The following UQCC1 variants were observed in gnomAD, a reference collection of about 807,000 sequenced individuals.
UQCC1 encodes the protein bFGF-repressed Zic-binding protein.
UQCC1 carries 38 observed loss-of-function variants against 48.0 expected under a neutral mutation model. The observed-to-expected ratio is 0.79, with a 90% CI of 0.61 to 1.04. UQCC1 has a LOEUF of 1.04. UQCC1 is among the 50% of genes least tolerant of loss of function. The probability of loss-of-function intolerance (pLI) is 0.00; values close to 1 mark genes in which losing one functional copy is unlikely to be tolerated. For missense variants in UQCC1, 368 were observed against 381.8 expected, an observed-to-expected ratio of 0.96 and a Z score of 0.30; for synonymous variants, 111 against 129.2, an observed-to-expected ratio of 0.86 and a Z score of 0.95.
intron 5 of UQCC1, among the ~76,000 whole-genome samples, chr20:35,369,955 T>C (rs2061711105): frequency 6.6e-6 from 1 of 152,170 alleles, no homozygotes; most frequent in Admixed American, 6.5e-5. Context: ...CAGACAACAC[T>C]GTGGAATTCA....
chr20:35,384,106 A>G lies in UQCC1; in HGVS notation c.157T>C (p.Cys53Arg). 6.2e-7 allele frequency: 1 copy of G among 1,613,238 alleles called. No individual in the cohort carries two copies. Among genetic ancestry groups the G allele is most frequent in the Non-Finnish European group, 8.5e-7 (1 of 1,179,248 alleles). The change falls in exon 3 of 10, where the codon TGT becomes CGT. Residue 53 changes from cysteine (C) to arginine (R), a missense_variant. Transcript: ENST00000374385. ...CCAGGAATCTGTTCTGATCCACCAC[A>G]TGCTCGGGACTGGCTCATCTGGGGC... ...QWPQMSQSRA[C>R]GGSEQIPGID...
intron 5 of UQCC1, among the ~76,000 whole-genome samples, chr20:35,371,817 C>A (rs575869462): frequency 6.6e-5 from 10 of 151,462 alleles, no homozygotes; most frequent in Non-Finnish European, 1.3e-4. Context: ...CAAGACCAGC[C>A]TGGGCAACAT....
In UQCC1 at chr20:35,303,789, ACT is replaced by A. The variant is rs1362108625; in HGVS notation, c.*144_*145del. 7.8e-6 allele frequency: 9 copies of A among 1,148,860 alleles called. No homozygotes were observed. The African/African-American group carries it at 1.4e-4, about 18-fold the overall frequency. The allele number at this position is 1,148,860 out of a possible 1,614,324, so 71.2% of individuals were successfully genotyped here. ...AGACTCCTGGGCACACTAAGAGGAA[ACT>A]CAACACAAATGGGGCCAGGTATTTG... On this transcript the variant is annotated 3_prime_UTR_variant, in exon 10 of 10. Transcript: ENST00000374385.
chr20:35,351,225 T>C (rs1157501031), intron 6 of UQCC1, among the ~76,000 whole-genome samples: 1 of 151,940 alleles, frequency 6.6e-6, no homozygotes, highest in Non-Finnish European at 1.5e-5. Flanking sequence ...ACCCTGTTTC[T>C]ACTAAAAATA....
intron 8 of UQCC1, 24 bp from the exon 9 acceptor site, chr20:35,306,803 G>A (rs2060934278): frequency 1.9e-6 from 3 of 1,562,834 alleles, no homozygotes; most frequent in Non-Finnish European, 2.6e-6. Flanking sequence ...CACAGCAGTG[G>A]TCTCCTGAGG....
intron 5 of UQCC1, among the ~76,000 whole-genome samples, chr20:35,368,388 TAAG>T (rs1297740530): frequency 6.6e-6 from 1 of 152,118 alleles, no homozygotes; most frequent in African/African-American, 2.4e-5. Flanking sequence ...AATTGACAGG[TAAG>T]AAAACTGACT....
At chr20:35,356,215 G>C (rs1314673822) in intron 6 of UQCC1, among the ~76,000 whole-genome samples, 1 of 152,066 alleles carries the variant, frequency 6.6e-6, no homozygotes, top group African/African-American at 2.4e-5. Flanking sequence ...CAGACATTAA[G>C]AAAAAATTAC....
intron 1 of UQCC1, among the ~76,000 whole-genome samples, chr20:35,395,210 T>A (rs994799917): frequency 6.6e-6 from 1 of 151,952 alleles, no homozygotes; most frequent in African/African-American, 2.4e-5. Context: ...CCAGCCCCTC[T>A]CCCCTTCCAA....
At chr20:35,341,125 G>A (rs2061372121) in intron 7 of UQCC1, among the ~76,000 whole-genome samples, 2 of 151,560 alleles carry the variant, frequency 1.3e-5, no homozygotes, top group Non-Finnish European at 2.9e-5. Context: ...GGAGGCTGAG[G>A]CAGAAGAATC....
At chr20:35,411,642 C>G (rs2062366372) in intron 1 of UQCC1, among the ~76,000 whole-genome samples, 1 of 152,152 alleles carries the variant, frequency 6.6e-6, no homozygotes, top group Non-Finnish European at 1.5e-5. Flanking sequence ...AATCAGTGTC[C>G]TACATGCTCC....
intron 7 of UQCC1, chr20:35,345,087 T>A (rs543365530): frequency 6.6e-6 from 1 of 152,396 alleles, no homozygotes; most frequent in South Asian, 2.1e-4. Flanking sequence ...CCTTCCCCCA[T>A]CTTGTCCTAT....
At chr20:35,386,870 C>T (rs1018563717) in intron 2 of UQCC1, among the ~76,000 whole-genome samples, 1 of 151,882 alleles carries the variant, frequency 6.6e-6, no homozygotes, top group African/African-American at 2.4e-5. Context: ...CACACCTACA[C>T]ACTTATAAAC....
chr20:35,406,207 T>C (rs1296976491), intron 1 of UQCC1, among the ~76,000 whole-genome samples: 1 of 152,136 alleles, frequency 6.6e-6, no homozygotes, highest in East Asian at 1.9e-4. Context: ...TTTGAAGAAA[T>C]AATGGCAGAA....
At chr20:35,333,544 C>G (rs1478612959) in intron 7 of UQCC1, among the ~76,000 whole-genome samples, 1 of 152,114 alleles carries the variant, frequency 6.6e-6, no homozygotes, top group Non-Finnish European at 1.5e-5. Context: ...AAAGAAAGTT[C>G]TTAATTCTCA....
intron 1 of UQCC1, among the ~76,000 whole-genome samples, chr20:35,395,269 A>AT (rs1276402466): frequency 5.9e-5 from 9 of 152,118 alleles, no homozygotes; most frequent in Non-Finnish European, 1.3e-4. Flanking sequence ...TTCTACACAC[A>AT]TATTTGTTCC....
chr20:35,411,936 T>C lies in UQCC1; in HGVS notation c.24+4A>G. ...CTACCGTAGAAAATTACTCCTTCACTCACAAGGACTCGCACCAGCAACGCC... is the reference window on the plus strand; with the variant it reads ...CTACCGTAGAAAATTACTCCTTCACCCACAAGGACTCGCACCAGCAACGCC... On this transcript the variant is annotated splice_donor_region_variant and intron_variant, in intron 1 of 9. Coordinates refer to ENST00000374385, the MANE Select transcript of UQCC1 (RefSeq NM_018244.5). 6.2e-7 allele frequency: 1 copy of C among 1,614,170 alleles called. No individual in the cohort carries two copies. Among genetic ancestry groups the C allele is most frequent in the Non-Finnish European group, 8.5e-7 (1 of 1,180,024 alleles).
chr20:35,400,136 G>C (rs2062141901), intron 1 of UQCC1, among the ~76,000 whole-genome samples: 1 of 151,888 alleles, frequency 6.6e-6, no homozygotes, highest in African/African-American at 2.4e-5. Context: ...ATGTTGGCCA[G>C]GCTGGTCTCA....
chr20:35,390,981 G>A (rs916090464), intron 2 of UQCC1, among the ~76,000 whole-genome samples: 6 of 152,072 alleles, frequency 3.9e-5, no homozygotes, highest in South Asian at 2.1e-4. Flanking sequence ...GGATCACCTC[G>A]GATCAGGAGT....
At chr20:35,405,125 G>A (rs1454329915) in intron 1 of UQCC1, among the ~76,000 whole-genome samples, 1 of 152,140 alleles carries the variant, frequency 6.6e-6, no homozygotes, top group East Asian at 1.9e-4. Flanking sequence ...CTGGCAGAGT[G>A]TTATAGGTAC....
Sources: allele counts gnomAD v4.1 joint callset (sites outside exome capture counted in the v4.1 genomes callset), GRCh38; gene constraint gnomAD v4.1.1; transcripts MANE v1.5; gene names NCBI Gene and HGNC (gene_info 2026-07-23, HGNC 2026-07-21).